Variants in SYN3 observed in about 807,000 individuals in gnomAD.
SYN3 encodes the protein synapsin-3.
A neutral mutation model predicts 65.8 loss-of-function variants in SYN3; 35 were observed. That is an observed-to-expected ratio of 0.53 (90% CI 0.41 to 0.70). SYN3 has a LOEUF of 0.70. Among genes scored for constraint, SYN3 ranks in the 30% least tolerant of loss-of-function variants. The pLI, the probability that SYN3 is intolerant of heterozygous loss-of-function variation, is 0.00. For synonymous variants in SYN3, 270 were observed against 292.9 expected (o/e 0.92, Z 0.80); for missense variants, 680 against 749.0 (o/e 0.91, Z 1.08).
chr22:32,878,879 T>TA (rs2049050850), intron 4 of SYN3, among the ~76,000 whole-genome samples: 1 of 152,188 alleles, frequency 6.6e-6, no homozygotes, highest in Non-Finnish European at 1.5e-5. Context: ...GTCTAAGGTC[T>TA]AAGCCATTAT....
intron 7 of SYN3, among the ~76,000 whole-genome samples, chr22:32,583,037 G>C (rs1269118518): frequency 6.6e-6 from 1 of 152,160 alleles, no homozygotes; most frequent in Non-Finnish European, 1.5e-5. Flanking sequence ...AGAGCTATTG[G>C]TATGGAGGTC....
intron 3 of SYN3, among the ~76,000 whole-genome samples, chr22:32,952,035 G>C (rs1369791063): frequency 6.6e-6 from 1 of 152,148 alleles, no homozygotes; most frequent in Non-Finnish European, 1.5e-5. Context: ...GGTCCTGGGG[G>C]GGATCAGTGA....
chr22:32,640,661 T>C (rs975187754), intron 6 of SYN3, among the ~76,000 whole-genome samples: 2 of 152,020 alleles, frequency 1.3e-5, no homozygotes, highest in African/African-American at 4.8e-5. Flanking sequence ...GGTCAGGAGA[T>C]CGAGACCATC....
Position 32,510,831 on chromosome 22 carries a change from C to G in SYN3, c.*2861G>C, listed in dbSNP as rs2057682452. ...TGAGAGGCTGGTATTCTGGTTCTTT[C>G]ATCGTGTGACTTATACTAGTGATCC... is the stretch of plus-strand genomic sequence containing the variant. On this transcript the variant is annotated 3_prime_UTR_variant, in exon 14 of 14. Coordinates refer to ENST00000358763, the MANE Select transcript of SYN3 (RefSeq NM_003490.4). 6.6e-6 allele frequency among the ~76,000 whole-genome samples: 1 copy of G among 152,058 alleles called. No individual in the cohort carries two copies.
At position 32,992,953 on chromosome 22, in the gene SYN3, C is replaced by T. The variant is rs796525256; in HGVS notation, c.312-12251G>A. On this transcript the variant is annotated intron_variant, in intron 2 of 13. Transcript: ENST00000358763. ...CTTCTGGTAACAGCAGTTCTATTTG[C>T]ATTTGCATTGATGGAAGCAAGCCTT... is the stretch of plus-strand genomic sequence containing the variant. 3.3e-5 allele frequency among the ~76,000 whole-genome samples: 5 copies of T among 152,302 alleles called. No homozygotes were observed. In the South Asian group the frequency reaches 8.3e-4, roughly 25 times the overall value.
intron 6 of SYN3, among the ~76,000 whole-genome samples, chr22:32,821,622 G>T (rs2047248497): frequency 6.6e-6 from 1 of 152,222 alleles, no homozygotes; most frequent in South Asian, 2.1e-4. Flanking sequence ...AGGCAAATCG[G>T]ATGGAAGAGC....
intron 6 of SYN3, among the ~76,000 whole-genome samples, chr22:32,624,567 A>G (rs2059639341): frequency 6.6e-6 from 1 of 152,240 alleles, no homozygotes. Flanking sequence ...CCTGTCCAAC[A>G]GTACTCTGAT....
intron 6 of SYN3, among the ~76,000 whole-genome samples, chr22:32,694,113 C>T (rs2060704222): frequency 6.6e-6 from 1 of 151,444 alleles, no homozygotes; most frequent in African/African-American, 2.4e-5. Context: ...AATGTTTTCT[C>T]TCTTTCTAAT....
chr22:32,508,494 G>A lies in SYN3; in HGVS notation c.*5198C>T, dbSNP rs375974481. On this transcript the variant is annotated 3_prime_UTR_variant, in exon 14 of 14. Coordinates refer to ENST00000358763, the MANE Select transcript of SYN3 (RefSeq NM_003490.4). ...TGTTTAGTGGTCTCTTCACACAGACGCGCATGAAAGGGGCCCCAAGGAGAG... is the reference window on the plus strand; with the variant it reads ...TGTTTAGTGGTCTCTTCACACAGACACGCATGAAAGGGGCCCCAAGGAGAG... Among the ~76,000 whole-genome samples, 5 of 152,234 alleles carry A rather than the reference G, an allele frequency of 3.3e-5. No homozygotes were observed. Among genetic ancestry groups the A allele is most frequent in the Admixed American group, 6.5e-5 (1 of 15,294 alleles).
chr22:32,770,551 C>G (rs1031926508), intron 6 of SYN3, among the ~76,000 whole-genome samples: 3 of 152,116 alleles, frequency 2.0e-5, no homozygotes, highest in East Asian at 3.9e-4. Flanking sequence ...CTTGATGTTC[C>G]CTTGTTCTAA....
At chr22:32,986,333 C>CT (rs2052526883) in intron 2 of SYN3, among the ~76,000 whole-genome samples, 1 of 152,184 alleles carries the variant, frequency 6.6e-6, no homozygotes, top group Non-Finnish European at 1.5e-5. Flanking sequence ...ACCTGAAGCA[C>CT]TTTGCACTAC....
intron 6 of SYN3, among the ~76,000 whole-genome samples, chr22:32,788,421 A>T (rs1483764482): frequency 6.6e-6 from 1 of 152,010 alleles, no homozygotes; most frequent in African/African-American, 2.4e-5. Context: ...TACCCCTGTA[A>T]TCCTAGCTAC....
intron 6 of SYN3, among the ~76,000 whole-genome samples, chr22:32,814,333 AAGAAAGAGAAAGAAAGAG>A: frequency 6.7e-6 from 1 of 148,284 alleles, no homozygotes; most frequent in Non-Finnish European, 1.5e-5. Context: ...GAAAGAAAGA[AAGAAAGAGAAAGAAAGAG>A]AGAAAGAAAG....
chr22:32,996,858 G>A (rs1201834931), intron 2 of SYN3, among the ~76,000 whole-genome samples: 1 of 152,236 alleles, frequency 6.6e-6, no homozygotes, highest in Non-Finnish European at 1.5e-5. Context: ...GGGCGGGGCT[G>A]CCTGGCTCGA....
chr22:32,619,880 T>A (rs1431653847), intron 6 of SYN3, among the ~76,000 whole-genome samples: 1 of 152,246 alleles, frequency 6.6e-6, no homozygotes, highest in Admixed American at 6.5e-5. Flanking sequence ...GGCTAGAAGA[T>A]GAGAGAATAC....
intron 6 of SYN3, among the ~76,000 whole-genome samples, chr22:32,722,404 T>C (rs1231642099): frequency 1.3e-5 from 2 of 152,148 alleles, no homozygotes; most frequent in Admixed American, 1.3e-4. Flanking sequence ...TGCACATGGC[T>C]CGGATACAGG....
intron 4 of SYN3, among the ~76,000 whole-genome samples, chr22:32,871,568 A>G (rs770171253): frequency 6.6e-6 from 1 of 152,030 alleles, no homozygotes; most frequent in Non-Finnish European, 1.5e-5. Flanking sequence ...AAGGTCCCAA[A>G]TGGGTTGCCT....
intron 12 of SYN3, among the ~76,000 whole-genome samples, chr22:32,520,244 C>A (rs926637294): frequency 6.6e-6 from 1 of 152,016 alleles, no homozygotes; most frequent in African/African-American, 2.4e-5. Flanking sequence ...CTGAAGCCAC[C>A]CTCCTGCCTC....
intron 6 of SYN3, among the ~76,000 whole-genome samples, chr22:32,711,627 T>C (rs1045147017): frequency 6.6e-6 from 1 of 152,202 alleles, no homozygotes; most frequent in African/African-American, 2.4e-5. Flanking sequence ...TCAAAATAAC[T>C]GCCTATGCCT....
Sources: allele counts gnomAD v4.1 joint callset (sites outside exome capture counted in the v4.1 genomes callset), GRCh38; gene constraint gnomAD v4.1.1; transcripts MANE v1.5; gene names NCBI Gene and HGNC (gene_info 2026-07-23, HGNC 2026-07-21).